The following ADAMTS20 variants were observed in gnomAD, a reference collection of about 807,000 sequenced individuals.
ADAMTS20 encodes the protein ADAM metallopeptidase with thrombospondin type 1 motif 20.
A neutral mutation model predicts 260.1 loss-of-function variants in ADAMTS20; 225 were observed. The observed-to-expected ratio is 0.87, with a 90% CI of 0.78 to 0.97. The LOEUF (loss-of-function observed/expected upper bound fraction) is 0.97, where lower values mean the gene tolerates loss of function less well. ADAMTS20 is among the 50% of genes least tolerant of loss of function. The pLI is 0.00. For synonymous variants in ADAMTS20, 802 were observed against 769.5 expected, an observed-to-expected ratio of 1.04 and a Z score of -0.70; for missense variants, 2,400 against 2,337.7, an observed-to-expected ratio of 1.03 and a Z score of -0.55.
chr12:43,413,281 T>C (rs920785498), intron 28 of ADAMTS20, among the ~76,000 whole-genome samples: 86 of 152,200 alleles, frequency 5.7e-4, no homozygotes, highest in African/African-American at 2.1e-3. Context: ...TCATTAATGA[T>C]ACAAAATGTC....
intron 7 of ADAMTS20, among the ~76,000 whole-genome samples, chr12:43,476,992 TAAA>T (rs3990496): frequency 0.038 from 3,472 of 90,814 alleles, 53 homozygotes; most frequent in East Asian, 0.13. Context: ...ACTTAAAGTA[TAAA>T]AAAAAAAAAA....
At chr12:43,451,769 C>A (rs763948543) in intron 14 of ADAMTS20, among the ~76,000 whole-genome samples, 1 of 152,104 alleles carries the variant, frequency 6.6e-6, no homozygotes, top group African/African-American at 2.4e-5. Flanking sequence ...GTGGGGTTCT[C>A]TGCTCCAGTC....
chr12:43,519,683 C>T (rs951859488), intron 3 of ADAMTS20, among the ~76,000 whole-genome samples: 1 of 152,098 alleles, frequency 6.6e-6, no homozygotes, highest in African/African-American at 2.4e-5. Flanking sequence ...GCACACCTAC[C>T]CCATGGTAAG....
chr12:43,400,624 A>C (rs945215378), intron 28 of ADAMTS20, among the ~76,000 whole-genome samples: 9 of 151,722 alleles, frequency 5.9e-5, no homozygotes, highest in African/African-American at 2.2e-4. Context: ...TATATGCTTT[A>C]CCGTTCCTGA....
intron 29 of ADAMTS20, among the ~76,000 whole-genome samples, chr12:43,396,768 A>G (rs1940712766): frequency 6.6e-6 from 1 of 152,162 alleles, no homozygotes; most frequent in Non-Finnish European, 1.5e-5. Flanking sequence ...CCAATTTGTT[A>G]CCACGGATGA....
intron 3 of ADAMTS20, among the ~76,000 whole-genome samples, chr12:43,527,237 T>G (rs1473765025): frequency 6.6e-6 from 1 of 152,132 alleles, no homozygotes; most frequent in Non-Finnish European, 1.5e-5. Flanking sequence ...CCAGATAGAT[T>G]CACAGTTGAA....
chr12:43,401,990 A>T (rs1265708592), intron 28 of ADAMTS20, among the ~76,000 whole-genome samples: 1 of 151,950 alleles, frequency 6.6e-6, no homozygotes, highest in East Asian at 1.9e-4. Context: ...CACTTCCTCT[A>T]ATAATTATCC....
chr12:43,434,467 G>T, intron 18 of ADAMTS20, 96 bp from the exon 19 acceptor site: 1 of 1,295,840 alleles, frequency 7.7e-7, no homozygotes, highest in Non-Finnish European at 1.0e-6. Context: ...AAAGGAGCCA[G>T]CTAAGCAAGT....
At chr12:43,403,841 C>T (rs934788839) in intron 28 of ADAMTS20, among the ~76,000 whole-genome samples, 5 of 151,950 alleles carry the variant, frequency 3.3e-5, no homozygotes, top group Admixed American at 1.3e-4. Flanking sequence ...GATGGAGAGT[C>T]GACGTATGAA....
At chr12:43,429,819 G>T (rs780263187) in intron 23 of ADAMTS20, 95 bp from the exon 24 acceptor site, 60 of 738,652 alleles carry the variant, frequency 8.1e-5, no homozygotes, top group Non-Finnish European at 1.2e-4. Context: ...CTCAAGAACC[G>T]TTCCATACTA....
rs1344251066 is a variant in ADAMTS20 at position 43,369,362 on chromosome 12, G to A, written c.5466C>T (p.Ser1822=). 6.5e-7 allele frequency: 1 copy of A among 1,544,250 alleles called. No homozygotes were observed. The highest frequency in any genetic ancestry group is 2.4e-5 in the East Asian group (1 of 41,082). The part of the protein sequence containing the change: ...MQIKTTDLLF[S]KTIFGNAVPF... ...GAACTGCATTTCCAAATATTGTTTT[G>A]GAAAAAAGAAGGTCCGTAGCTAGAA... is the stretch of plus-strand genomic sequence containing the variant. Residue 1822 remains serine (S), a synonymous_variant, in exon 37 of 39, where the codon TCC becomes TCT. Coordinates refer to ENST00000389420, the MANE Select transcript of ADAMTS20 (RefSeq NM_025003.5).
intron 37 of ADAMTS20, among the ~76,000 whole-genome samples, chr12:43,368,430 G>A (rs945557198): frequency 1.3e-5 from 2 of 152,000 alleles, no homozygotes; most frequent in African/African-American, 4.8e-5. Flanking sequence ...TGTAGTTCTA[G>A]TGTCTCTTGA....
At chr12:43,377,695 T>C (rs1007798506) in intron 31 of ADAMTS20, 133 bp from the exon 32 acceptor site, 2 of 732,602 alleles carry the variant, frequency 2.7e-6, no homozygotes, top group African/African-American at 1.8e-5. Flanking sequence ...CATTTACAGA[T>C]GAGCAAACAT....
intron 36 of ADAMTS20, among the ~76,000 whole-genome samples, chr12:43,373,805 A>G (rs933746692): frequency 4.1e-5 from 6 of 146,682 alleles, no homozygotes; most frequent in East Asian, 4.0e-4. Flanking sequence ...TCAGCCTCCC[A>G]AGTAGCTGGG....
intron 28 of ADAMTS20, among the ~76,000 whole-genome samples, chr12:43,404,027 T>C (rs533770279): frequency 1.3e-5 from 2 of 152,282 alleles, no homozygotes; most frequent in African/African-American, 4.8e-5. Flanking sequence ...TGATGGAGGA[T>C]GTCTGATGTC....
chr12:43,422,230 C>T (rs930126318), intron 28 of ADAMTS20, among the ~76,000 whole-genome samples: 12 of 151,904 alleles, frequency 7.9e-5, no homozygotes, highest in African/African-American at 2.9e-4. Flanking sequence ...AATAATTTTA[C>T]ATTTCACATT....
chr12:43,440,704 A>G (rs1941646498), intron 16 of ADAMTS20, among the ~76,000 whole-genome samples: 1 of 152,204 alleles, frequency 6.6e-6, no homozygotes, highest in African/African-American at 2.4e-5. Context: ...CCCAGCAGAC[A>G]GATTAGTTCA....
At position 43,376,136 on chromosome 12, in the gene ADAMTS20, C is replaced by T. The variant is rs1940221390; in HGVS notation, c.5233G>A (p.Asp1745Asn). 2 of 1,603,072 alleles carry T rather than the reference C, an allele frequency of 1.2e-6. No individual in the cohort carries two copies. The highest frequency in any genetic ancestry group is 1.1e-5 in the South Asian group (1 of 88,226). The change falls in exon 35 of 39, where the codon GAC (aspartate) becomes AAC (asparagine). Residue 1745 changes from aspartate (D) to asparagine (N), a missense_variant. Transcript: ENST00000389420. ...KGRIIKIYCA[D>N]MYLENPKEYL... The stretch of plus-strand genomic sequence containing the variant: ...TCCTTAGGGTTCTCCAAGTACATGT[C>T]TGCACAATAAATCTAAAGAAAAAAT...
At position 43,551,354 on chromosome 12, in the gene ADAMTS20, T is replaced by C; in HGVS notation, c.92-84A>G. ...AACTTCTTCCACCAAACGTCCCCGCTAAAGGTCCCAGGTCCCAGTACAGCC... is the reference window on the plus strand; with the variant it reads ...AACTTCTTCCACCAAACGTCCCCGCCAAAGGTCCCAGGTCCCAGTACAGCC... On this transcript the variant is annotated intron_variant, in intron 1 of 38. Transcript: ENST00000389420. The surrounding 1 kb of genome is among the most constrained non-coding windows in gnomAD (Gnocchi z 4.6). The C allele has an allele frequency of 6.6e-6, 10 of 1,518,924 alleles. No homozygotes were observed. The highest frequency in any genetic ancestry group is 8.8e-6 in the Non-Finnish European group (10 of 1,134,412). The allele number at this position is 1,518,924 out of a possible 1,614,324, so 94.1% of individuals were successfully genotyped here. A position where few individuals can be genotyped will look rare whatever the true frequency, so the allele number is the denominator to read the frequency against.
Sources: gnomAD v4.1 joint callset for allele counts (sites outside exome capture counted in the v4.1 genomes callset) on GRCh38, gnomAD v4.1.1 for gene constraint, Gnocchi (gnomAD v3.1) non-coding constraint, MANE v1.5 for transcripts, NCBI Gene and HGNC (gene_info 2026-07-23, HGNC 2026-07-21) for gene names.